Variants in TMEM237 observed in about 807,000 individuals in gnomAD.
The protein encoded by TMEM237 is transmembrane protein 237.
In TMEM237, 51 loss-of-function variants were observed where a neutral mutation model predicts 59.1. The observed-to-expected ratio is 0.86, with a 90% CI of 0.69 to 1.09. The LOEUF (loss-of-function observed/expected upper bound fraction) is 1.09. TMEM237 is among the 50% of genes least tolerant of loss of function. TMEM237 has a pLI of 0.00. For missense variants in TMEM237, 475 were observed against 478.3 expected (o/e 0.99, Z 0.06); for synonymous variants, 140 against 166.1 (o/e 0.84, Z 1.21).
intron 2 of TMEM237, among the ~76,000 whole-genome samples, chr2:201,640,618 G>A (rs1326123937): frequency 6.6e-6 from 1 of 150,752 alleles, no homozygotes; most frequent in East Asian, 1.9e-4. Context: ...CCAGAATTCT[G>A]ATTTAAAAAA....
intron 9 of TMEM237, 147 bp downstream of exon 9, chr2:201,629,083 A>C (rs938278288): frequency 1.9e-6 from 1 of 526,230 alleles, no homozygotes; most frequent in African/African-American, 2.0e-5. Context: ...CCCCTCAAAA[A>C]AGAACAGAAG....
At chr2:201,641,181 G>T (rs1687408794) in intron 1 of TMEM237, among the ~76,000 whole-genome samples, 1 of 151,940 alleles carries the variant, frequency 6.6e-6, no homozygotes, top group Admixed American at 6.6e-5. Context: ...TAGTAGAGAC[G>T]GGGTTTCACC....
intron 1 of TMEM237, 71 bp from the exon 2 acceptor site, chr2:201,640,995 T>A: frequency 1.5e-6 from 2 of 1,373,880 alleles, no homozygotes; most frequent in Non-Finnish European, 2.0e-6. Context: ...ACCATCACGC[T>A]ATTTTTTTTT....
At chr2:201,626,632 G>A (rs2676324) in intron 11 of TMEM237, among the ~76,000 whole-genome samples, 1 of 151,208 alleles carries the variant, frequency 6.6e-6, no homozygotes, top group Non-Finnish European at 1.5e-5. Context: ...CTGATCTGCA[G>A]ATGTTGGCTC....
rs1687467608 is a variant in TMEM237, at chr2:201,643,221, A to T, written c.42+138T>A. The T allele has an allele frequency of 1.0e-6, 1 of 958,708 alleles. No individual in the cohort carries two copies. The highest frequency in any genetic ancestry group is 2.4e-5 in the Admixed American group (1 of 41,640). The allele number at this position is 958,708 out of a possible 1,614,324, so 59.4% of individuals were successfully genotyped here. ...ATTCCTGTGAACACTGGAGGGGCGGATGCGCGCACCCCACGAGCAAGGCCC... is the reference window on the plus strand; with the variant it reads ...ATTCCTGTGAACACTGGAGGGGCGGTTGCGCGCACCCCACGAGCAAGGCCC... On this transcript the variant is annotated intron_variant, in intron 1 of 12. Transcript: ENST00000409883. The surrounding 1 kb of genome is among the most constrained non-coding windows in gnomAD (Gnocchi z 4.3).
At chr2:201,642,733 C>T (rs1455044159) in intron 1 of TMEM237, 1 of 1,524,164 alleles carries the variant, frequency 6.6e-7, no homozygotes, top group South Asian at 1.2e-5. Context: ...GGCCGCGCCG[C>T]CTGGCTAGTA....
In TMEM237 at chr2:201,643,242, G is replaced by A. The variant is rs762060886; in HGVS notation, c.42+117C>T. On this transcript the variant is annotated intron_variant, in intron 1 of 12. Coordinates refer to ENST00000409883, the MANE Select transcript of TMEM237 (RefSeq NM_001044385.3). This position sits in a 1 kb window ranked among gnomAD's most constrained non-coding sequence, Gnocchi z 4.3. ...GCGGATGCGCGCACCCCACGAGCAA[G>A]GCCCTCCCTTAGTGATTCCCAGCTC... 602 of 1,167,842 alleles carry A rather than the reference G, an allele frequency of 5.2e-4. 1 individual carries two copies. Among genetic ancestry groups the A allele is most frequent in the Non-Finnish European group, 7.0e-4 (575 of 825,990 alleles). 72.3% of individuals were successfully genotyped at this position (1,167,842 alleles called of 1,614,324 possible).
intron 11 of TMEM237, 75 bp from the exon 12 acceptor site, chr2:201,626,222 T>G (rs1306913667): frequency 6.7e-7 from 1 of 1,503,100 alleles, no homozygotes; most frequent in Non-Finnish European, 8.9e-7. Context: ...TTTTATGAAC[T>G]TTAAGAAAAA....
chr2:201,633,365 A>G lies in TMEM237; in HGVS notation c.341T>C (p.Ile114Thr). The G allele has an allele frequency of 6.3e-7, 1 of 1,595,330 alleles. No individual in the cohort carries two copies. The highest frequency in any genetic ancestry group is 8.5e-7 in the Non-Finnish European group (1 of 1,170,434). The change falls in exon 6 of 13, where the codon ATT becomes ACT. Residue 114 changes from isoleucine to threonine, a missense_variant. Coordinates refer to ENST00000409883, the MANE Select transcript of TMEM237 (RefSeq NM_001044385.3). ...TGCCTCCTCAGCTGGCTCCGCATCA[A>G]TACCATTTTCATTTCGTAATAAAGA... ...SSSLLRNENGIDAEPAEEAVI... is the reference protein window; with the variant it reads ...SSSLLRNENGTDAEPAEEAVI...
chr2:201,623,244 G>A lies in TMEM237; in HGVS notation c.*1011C>T. The A allele has an allele frequency of 2.3e-6, 1 of 435,688 alleles. No homozygotes were observed. Among genetic ancestry groups the A allele is most frequent in the South Asian group, 1.7e-5 (1 of 60,354 alleles). The allele number at this position is 435,688 out of a possible 1,614,324, so 27.0% of individuals were successfully genotyped here. A position where few individuals can be genotyped will look rare whatever the true frequency, so the allele number is the denominator to read the frequency against. Reference sequence around the variant, plus strand: ...AATAGTTTTATTGATGTGCTCAACAGCCTTTGAAACATTTTTTCCCATAGC... The same window carrying A: ...AATAGTTTTATTGATGTGCTCAACAACCTTTGAAACATTTTTTCCCATAGC... On this transcript the variant is annotated 3_prime_UTR_variant, in exon 13 of 13. Coordinates refer to ENST00000409883, the MANE Select transcript of TMEM237 (RefSeq NM_001044385.3).
chr2:201,628,734 G>A (rs1056554206), intron 9 of TMEM237, among the ~76,000 whole-genome samples: 2 of 152,144 alleles, frequency 1.3e-5, no homozygotes, highest in Non-Finnish European at 2.9e-5. Flanking sequence ...GGAATGCCAA[G>A]GACTGTCAGC....
At chr2:201,632,487 G>C (rs1395286898) in intron 6 of TMEM237, among the ~76,000 whole-genome samples, 1 of 152,122 alleles carries the variant, frequency 6.6e-6, no homozygotes, top group Non-Finnish European at 1.5e-5. Flanking sequence ...TACTGATAAG[G>C]TTTGGCTATG....
In TMEM237 at chr2:201,636,864, A is replaced by G; in HGVS notation, c.158T>C (p.Leu53Pro). 6.2e-6 allele frequency: 10 copies of G among 1,605,670 alleles called. No individual in the cohort carries two copies. Among genetic ancestry groups the G allele is most frequent in the Non-Finnish European group, 8.5e-6 (10 of 1,176,922 alleles). ...GGGCCTTCGACCAGCAGTCTGAGCA[A>G]GGCCTTCCAAAGAAGCACTTGCTAT... ...NTPASASLEGLAQTAGRRPSE... is the reference protein window; with the variant it reads ...NTPASASLEGPAQTAGRRPSE... Residue 53 changes from leucine to proline, a missense_variant, in exon 5 of 13, where the codon CTT becomes CCT. By Grantham distance (98) the Leu-to-Pro change is moderately conservative (BLOSUM62 -3). Transcript: ENST00000409883.
At position 201,633,306 on chromosome 2, in the gene TMEM237, C is replaced by T. The variant is rs1182533680; in HGVS notation, c.395+5G>A. 1 of 1,595,530 alleles carries T rather than the reference C, an allele frequency of 6.3e-7. No individual in the cohort carries two copies. Among genetic ancestry groups the T allele is most frequent in the African/African-American group, 1.3e-5 (1 of 74,582 alleles). ...GAATAGTTAGAAGAATAAATAAATT[C>T]CTACTTTGTCTTCCTCCGAGGTTTT... On this transcript the variant is annotated splice_donor_5th_base_variant and intron_variant, in intron 6 of 12. Coordinates refer to ENST00000409883, the MANE Select transcript of TMEM237 (RefSeq NM_001044385.3).
intron 5 of TMEM237, among the ~76,000 whole-genome samples, chr2:201,634,069 CA>C (rs1687245511): frequency 6.6e-6 from 1 of 152,178 alleles, no homozygotes; most frequent in African/African-American, 2.4e-5. Flanking sequence ...CACCGTGAGT[CA>C]CCTTATAATT....
chr2:201,638,061 C>G (rs566588258), intron 4 of TMEM237, among the ~76,000 whole-genome samples: 14 of 152,282 alleles, frequency 9.2e-5, no homozygotes, highest in Admixed American at 5.9e-4. Flanking sequence ...TTCTTCCCTA[C>G]CACCCACTAT....
intron 11 of TMEM237, among the ~76,000 whole-genome samples, chr2:201,627,067 G>A (rs578035233): frequency 4.8e-5 from 7 of 146,200 alleles, no homozygotes; most frequent in South Asian, 4.5e-4. Context: ...GTGACACAGC[G>A]AGACTCTATC....
chr2:201,632,046 C>A lies in TMEM237; in HGVS notation c.553+5G>T, dbSNP rs201208507. The A allele has an allele frequency of 6.2e-7, 1 of 1,613,652 alleles. No individual in the cohort carries two copies. The highest frequency in any genetic ancestry group is 1.1e-5 in the South Asian group (1 of 91,020). ...TTCATATTCTAAAACAAGGCATCTA[C>A]TTACGGCTTTTTTCCACAAATACTT... On this transcript the variant is annotated splice_donor_5th_base_variant and intron_variant, in intron 7 of 12. Transcript: ENST00000409883.
chr2:201,629,993 T>C, intron 7 of TMEM237, 141 bp from the exon 8 acceptor site: 1 of 1,035,802 alleles, frequency 9.7e-7, no homozygotes, highest in Non-Finnish European at 1.4e-6. Flanking sequence ...CTTGACTCAG[T>C]ACCTATTTCA....
Sources: allele counts gnomAD v4.1 joint callset (sites outside exome capture counted in the v4.1 genomes callset), GRCh38; gene constraint gnomAD v4.1.1; non-coding constraint Gnocchi (gnomAD v3.1); transcripts MANE v1.5; gene names NCBI Gene and HGNC (gene_info 2026-07-23, HGNC 2026-07-21).